Variants in PCDH11X observed in about 807,000 individuals in gnomAD.
PCDH11X encodes protocadherin 11 X-linked, also known as protocadherin-11 X-linked.
Under a neutral mutation model 53.3 loss-of-function variants are expected in PCDH11X, and 18 were observed. That is an observed-to-expected ratio of 0.34 (90% CI 0.23 to 0.50). The LOEUF is 0.50. Ranked by LOEUF, PCDH11X falls within the 20% of genes least tolerant of loss-of-function variation. The pLI is 0.98. For synonymous variants in PCDH11X, 279 were observed against 393.3 expected, an observed-to-expected ratio of 0.71 and a Z score of 3.44; for missense variants, 570 against 1,032.4, an observed-to-expected ratio of 0.55 and a Z score of 6.14.
chrX:92,299,846 G>A (rs1406977704), intron 8 of PCDH11X, among the ~76,000 whole-genome samples: 1 of 108,484 alleles, frequency 9.2e-6, no homozygotes, highest in South Asian at 4.0e-4. Context: ...TTTTCTGATA[G>A]CTTTGTGGTT....
chrX:91,892,797 G>A (rs1183324254), intron 6 of PCDH11X, among the ~76,000 whole-genome samples: 14 of 108,402 alleles, frequency 1.3e-4, no homozygotes, highest in African/African-American at 4.7e-4. Flanking sequence ...CGCCTCCCGG[G>A]TTCAAGCAAT....
In PCDH11X at chrX:92,241,453, G is replaced by A. The variant is rs539802083; in HGVS notation, c.3115-21661G>A. ...TAATGACTCACATGAAAGGTATGCTGCAATGAAGTCCAAATAAAATAGTTC... is the reference window on the plus strand; with the variant it reads ...TAATGACTCACATGAAAGGTATGCTACAATGAAGTCCAAATAAAATAGTTC... On this transcript the variant is annotated intron_variant, in intron 7 of 10. Transcript: ENST00000682573. 5.4e-5 allele frequency among the ~76,000 whole-genome samples: 6 copies of A among 112,107 alleles called. No homozygotes were observed. In the South Asian group the frequency reaches 2.2e-3, roughly 42 times the overall value.
intron 8 of PCDH11X, among the ~76,000 whole-genome samples, chrX:92,288,635 C>T (rs886423430): frequency 9.0e-6 from 1 of 111,171 alleles, no homozygotes; most frequent in Admixed American, 9.6e-5. Flanking sequence ...TTTCTTTGCA[C>T]ATGCCTTGGT....
intron 8 of PCDH11X, among the ~76,000 whole-genome samples, chrX:92,286,994 T>G: frequency 9.4e-6 from 1 of 106,797 alleles, no homozygotes; most frequent in Non-Finnish European, 1.9e-5. Context: ...TGGAACATAT[T>G]GGTGCCATGC....
intron 4 of PCDH11X, among the ~76,000 whole-genome samples, chrX:91,829,784 A>C (rs186068398): frequency 0.011 from 1,179 of 111,609 alleles, 11 homozygotes; most frequent in Non-Finnish European, 0.016. Context: ...ATATGTATAT[A>C]TATCACATAG....
At chrX:92,474,942 G>T (rs1436032252) in intron 10 of PCDH11X, among the ~76,000 whole-genome samples, 3 of 106,359 alleles carry the variant, frequency 2.8e-5, no homozygotes, top group African/African-American at 1.0e-4. Flanking sequence ...GAGGCGGGTG[G>T]ATCACGAGGT....
chrX:92,291,030 T>C (rs1327717077), intron 8 of PCDH11X, among the ~76,000 whole-genome samples: 1 of 85,815 alleles, frequency 1.2e-5, no homozygotes, highest in African/African-American at 4.3e-5. Flanking sequence ...GACTCCCGAG[T>C]AGCTGGGACC....
chrX:92,104,344 T>C (rs2064329300), intron 6 of PCDH11X, among the ~76,000 whole-genome samples: 1 of 109,939 alleles, frequency 9.1e-6, no homozygotes, highest in Admixed American at 9.8e-5. Flanking sequence ...CAGCGACACT[T>C]GGGGTTGGTA....
chrX:92,416,959 T>C (rs2148609837), intron 9 of PCDH11X, among the ~76,000 whole-genome samples: 1 of 111,208 alleles, frequency 9.0e-6, no homozygotes, highest in East Asian at 2.8e-4. Flanking sequence ...CTCATAATTA[T>C]AACTTTCATA....
intron 5 of PCDH11X, among the ~76,000 whole-genome samples, chrX:91,850,792 C>A (rs1352820542): frequency 9.1e-6 from 1 of 109,851 alleles, no homozygotes; most frequent in African/African-American, 3.3e-5. Flanking sequence ...TATGTCCTTA[C>A]CAATTGGTAA....
Position 92,089,171 on chromosome X carries a change from A to G in PCDH11X, c.3034-112204A>G, listed in dbSNP as rs1257205271. Among the ~76,000 whole-genome samples, 3 of 109,528 alleles carry G rather than the reference A, an allele frequency of 2.7e-5. No homozygotes were observed. In the Admixed American group the frequency reaches 3.0e-4, roughly 11 times the overall value. ...ACTATAAAACATTTGCAAGACAATTATAAGTTGTGATATAACTATACATAT... is the reference window on the plus strand; with the variant it reads ...ACTATAAAACATTTGCAAGACAATTGTAAGTTGTGATATAACTATACATAT... On this transcript the variant is annotated intron_variant, in intron 6 of 10. Transcript: ENST00000682573.
intron 10 of PCDH11X, among the ~76,000 whole-genome samples, chrX:92,492,411 T>C (rs759384158): frequency 1.8e-5 from 2 of 112,417 alleles, no homozygotes; most frequent in Non-Finnish European, 3.8e-5. Context: ...TTTATTGTGA[T>C]ATTATCTTCA....
At chrX:92,022,428 A>T (rs1462863700) in intron 6 of PCDH11X, among the ~76,000 whole-genome samples, 1 of 109,210 alleles carries the variant, frequency 9.2e-6, no homozygotes, top group African/African-American at 3.4e-5. Context: ...CAAGAAAGAC[A>T]AAGAAGGGCA....
At chrX:92,326,639 T>TATATATATATATATATATATAG (rs758088746) in intron 8 of PCDH11X, among the ~76,000 whole-genome samples, 4 of 39,311 alleles carry the variant, frequency 1.0e-4, no homozygotes, top group Admixed American at 4.2e-4. Context: ...TATATATATA[T>TATATATATATATATATATATAG]AGAGAGAGAG....
At chrX:92,326,493 G>A (rs2069332288) in intron 8 of PCDH11X, among the ~76,000 whole-genome samples, 1 of 100,209 alleles carries the variant, frequency 1.0e-5, no homozygotes, top group Admixed American at 1.1e-4. Context: ...TGGTGGAATG[G>A]CAAGGTTCTA....
At chrX:92,521,548 T>C (rs1189406354) in intron 10 of PCDH11X, among the ~76,000 whole-genome samples, 1 of 112,203 alleles carries the variant, frequency 8.9e-6, no homozygotes, top group African/African-American at 3.2e-5. Context: ...GTGCCCTAGG[T>C]TTTGCAGAAT....
intron 8 of PCDH11X, among the ~76,000 whole-genome samples, chrX:92,315,832 G>A (rs2069063736): frequency 9.1e-6 from 1 of 109,515 alleles, no homozygotes; most frequent in African/African-American, 3.3e-5. Flanking sequence ...CACCACCCCT[G>A]GCCTGAATTA....
intron 1 of PCDH11X, among the ~76,000 whole-genome samples, chrX:91,804,971 G>C (rs1416038493): frequency 9.9e-6 from 1 of 100,811 alleles, no homozygotes; most frequent in Non-Finnish European, 2.0e-5. Context: ...TTCCATTTAT[G>C]ATAACTGAAG....
chrX:92,147,855 T>TTTCTTTCTTTCTTTCTCTTTCTTTCTTTC (rs1569388372), intron 6 of PCDH11X, among the ~76,000 whole-genome samples: 29 of 22,371 alleles, frequency 1.3e-3, no homozygotes, highest in African/African-American at 2.1e-3. Context: ...TTCTTTCTTT[T>TTTCTTTCTTTCTTTCTCTTTCTTTCTTTC]TTCTTTTCTC....
Sources: allele counts gnomAD v4.1 joint callset (sites outside exome capture counted in the v4.1 genomes callset), GRCh38; gene constraint gnomAD v4.1.1; transcripts MANE v1.5; gene names NCBI Gene and HGNC (gene_info 2026-07-23, HGNC 2026-07-21).